IP6K2: variants seen among roughly 807,000 people sequenced by gnomAD.
IP6K2 encodes the protein ATP:1D-myo-inositol-hexakisphosphate phosphotransferase.
Under a neutral mutation model 43.3 loss-of-function variants are expected in IP6K2, and 9 were observed. The observed-to-expected ratio is 0.21, with a 90% CI of 0.13 to 0.36. IP6K2 has a LOEUF of 0.36. IP6K2 is among the 10% of genes least tolerant of loss of function. The pLI is 1.00. For missense variants in IP6K2, 332 were observed against 538.4 expected, an observed-to-expected ratio of 0.62 and a Z score of 3.79; for synonymous variants, 209 against 202.4, an observed-to-expected ratio of 1.03 and a Z score of -0.28.
chr3:48,716,391 G>A (rs1270824930), intron 1 of IP6K2: 7 of 152,170 alleles, frequency 4.6e-5, no homozygotes, highest in Non-Finnish European at 8.8e-5. Context: ...GTATTTAAGA[G>A]CACTGGATTT....
In IP6K2 at chr3:48,688,354, C is replaced by T; in HGVS notation, c.1200G>A (p.Glu400=). 6.2e-7 allele frequency: 1 copy of T among 1,614,248 alleles called. No individual in the cohort carries two copies. Among genetic ancestry groups the T allele is most frequent in the East Asian group, 2.2e-5 (1 of 44,886 alleles). ...RLYGEDTVVH[E]GQDAGYIFGL... ...CGAAGATATAGCCAGCATCCTGGCC[C>T]TCATGCACCACGGTGTCCTCGCCAT... The change falls in exon 6 of 6, where the codon GAG becomes GAA. Residue 400 remains glutamate, a synonymous_variant. Transcript: ENST00000328631. This position sits in a 1 kb window ranked among gnomAD's most constrained non-coding sequence, Gnocchi z 5.1.
At chr3:48,692,894 C>T in intron 3 of IP6K2, 60 bp downstream of exon 3, 2 of 1,324,258 alleles carry the variant, frequency 1.5e-6, no homozygotes, top group East Asian at 4.6e-5. Context: ...TGGGCTGTAA[C>T]CAAAACCCCC....
chr3:48,691,184 C>A, intron 4 of IP6K2, 123 bp downstream of exon 4: 1 of 780,444 alleles, frequency 1.3e-6, no homozygotes, highest in Non-Finnish European at 2.1e-6. Flanking sequence ...CCTGGAATAA[C>A]CCAGGTAGGA....
chr3:48,694,447 A>G, intron 2 of IP6K2: 1 of 1,549,136 alleles, frequency 6.5e-7, no homozygotes, highest in South Asian at 1.2e-5. Context: ...AATTTCTTTA[A>G]TGGATTCTTA....
rs1186460804 is a variant in IP6K2 at position 48,688,078 on chromosome 3, G to A, written c.*195C>T. The A allele has an allele frequency of 1.6e-6, 1 of 615,054 alleles. No homozygotes were observed. The highest frequency in any genetic ancestry group is 1.8e-5 in the African/African-American group (1 of 54,192). 38.1% of individuals were successfully genotyped at this position (615,054 alleles called of 1,614,324 possible). On this transcript the variant is annotated 3_prime_UTR_variant, in exon 6 of 6. Coordinates refer to ENST00000328631, the MANE Select transcript of IP6K2 (RefSeq NM_016291.4). This position sits in a 1 kb window ranked among gnomAD's most constrained non-coding sequence, Gnocchi z 5.1. ...GAGGTATCATCATCAAATGTGGAAT[G>A]TTGAAGAAATAGTTAAAATAAATAA...
Position 48,688,663 on chromosome 3 carries a change from C to A in IP6K2, c.891G>T (p.Arg297=), listed in dbSNP as rs138795713. Residue 297 remains arginine (R), a synonymous_variant, in exon 6 of 6, where the codon CGG becomes CGT. Transcript: ENST00000328631. This position sits in a 1 kb window ranked among gnomAD's most constrained non-coding sequence, Gnocchi z 5.1. The part of the protein sequence containing the change: ...EALFQFFHNG[R]YLRRELLGPV... ...GGCCCAGGAGTTCACGGCGCAGGTACCGCCCATTGTGGAAGAACTGGAAAA... is the reference window on the plus strand; with the variant it reads ...GGCCCAGGAGTTCACGGCGCAGGTAACGCCCATTGTGGAAGAACTGGAAAA... 128 of 1,614,124 alleles carry A rather than the reference C, an allele frequency of 7.9e-5. No homozygotes were observed. The highest frequency in any genetic ancestry group is 1.0e-4 in the Non-Finnish European group (120 of 1,180,052).
At chr3:48,716,466 A>G (rs947162846) in intron 1 of IP6K2, 4 of 152,230 alleles carry the variant, frequency 2.6e-5, no homozygotes, top group Non-Finnish European at 4.4e-5. Context: ...ATATATGAGA[A>G]CGAATACAAT....
At chr3:48,714,847 C>CAAAAAAAAAA (rs61218247) in intron 1 of IP6K2, among the ~76,000 whole-genome samples, 1 of 100,060 alleles carries the variant, frequency 1.0e-5, no homozygotes, top group African/African-American at 4.0e-5. Flanking sequence ...GACTCCGTCT[C>CAAAAAAAAAA]AAAAAAAAAA....
At chr3:48,714,318 C>T (rs760224998) in intron 1 of IP6K2, among the ~76,000 whole-genome samples, 1 of 151,860 alleles carries the variant, frequency 6.6e-6, no homozygotes, top group African/African-American at 2.4e-5. Context: ...CTGCCCACCT[C>T]GGCCTCCCGA....
intron 1 of IP6K2, among the ~76,000 whole-genome samples, chr3:48,712,489 G>A (rs909248951): frequency 2.6e-5 from 4 of 151,608 alleles, no homozygotes; most frequent in African/African-American, 4.8e-5. Context: ...CTCATGATCC[G>A]CCTGCCTTCA....
chr3:48,694,526 C>A, intron 2 of IP6K2: 1 of 1,525,926 alleles, frequency 6.6e-7, no homozygotes, highest in South Asian at 1.3e-5. Context: ...CTGATGTCCC[C>A]TATAAAATAC....
chr3:48,694,131 G>A (rs1192223649), intron 2 of IP6K2: 1 of 1,525,892 alleles, frequency 6.6e-7, no homozygotes, highest in Admixed American at 2.2e-5. Flanking sequence ...TGGGTGCAGA[G>A]GAGCCGGGGT....
Position 48,688,194 on chromosome 3 carries a change from A to G in IP6K2, c.*79T>C, listed in dbSNP as rs1454123020. 2.6e-6 allele frequency: 4 copies of G among 1,529,678 alleles called. No individual in the cohort carries two copies. Among genetic ancestry groups the G allele is most frequent in the South Asian group, 1.2e-5 (1 of 80,958 alleles). The allele number at this position is 1,529,678 out of a possible 1,614,324, so 94.8% of individuals were successfully genotyped here. ...AGGCTGCAGGAGCCACCACCTGGCC[A>G]TACTGGCTTCCTCCCTGACGCAGCA... On this transcript the variant is annotated 3_prime_UTR_variant, in exon 6 of 6. Coordinates refer to ENST00000328631, the MANE Select transcript of IP6K2 (RefSeq NM_016291.4). The surrounding 1 kb of genome is among the most constrained non-coding windows in gnomAD (Gnocchi z 5.1).
intron 1 of IP6K2, among the ~76,000 whole-genome samples, chr3:48,712,140 T>C (rs912419591): frequency 6.6e-6 from 1 of 151,780 alleles, no homozygotes; most frequent in Non-Finnish European, 1.5e-5. Flanking sequence ...ACACCTGTAA[T>C]CCTGGCGCTT....
rs1034667846 is a variant in IP6K2 at position 48,715,403 on chromosome 3, T to A, written c.-131+1754A>T. ...CAGGAGCTTACAGAAGGCTCTGGCATCCCTCTTGGAAGGGAGACTGGCAAA... is the reference window on the plus strand; with the variant it reads ...CAGGAGCTTACAGAAGGCTCTGGCAACCCTCTTGGAAGGGAGACTGGCAAA... On this transcript the variant is annotated intron_variant, in intron 1 of 5. Transcript: ENST00000328631. 3.3e-6 allele frequency: 5 copies of A among 1,536,140 alleles called. No individual in the cohort carries two copies. The African/African-American group carries it at 5.5e-5, about 17-fold the overall frequency.
chr3:48,713,129 T>A (rs1362175570), intron 1 of IP6K2, among the ~76,000 whole-genome samples: 1 of 152,228 alleles, frequency 6.6e-6, no homozygotes, highest in Non-Finnish European at 1.5e-5. Flanking sequence ...AGTTTCATAC[T>A]TGCAAAGCAA....
chr3:48,715,290 G>A (rs911258211), intron 1 of IP6K2: 89 of 1,535,876 alleles, frequency 5.8e-5, no homozygotes, highest in Non-Finnish European at 7.5e-5. Flanking sequence ...TCCTCTTTAT[G>A]AGCCAAACAA....
intron 5 of IP6K2, among the ~76,000 whole-genome samples, chr3:48,689,040 CCTA>C (rs1345550862): frequency 1.3e-5 from 2 of 152,250 alleles, no homozygotes; most frequent in African/African-American, 2.4e-5. Context: ...TGCCTTCCTC[CCTA>C]CTACTATCCA....
rs766623551 is a variant in IP6K2 at position 48,689,641 on chromosome 3, C to T, written c.677G>A (p.Arg226Gln). 4 of 1,614,060 alleles carry T rather than the reference C, an allele frequency of 2.5e-6. No individual in the cohort carries two copies. Among genetic ancestry groups the T allele is most frequent in the East Asian group, 4.5e-5 (2 of 44,900 alleles). ...PCVLDLKMGT[R>Q]QHGDDASEEK... ...CTCTGAAGCATCATCACCATGTTGT[C>T]GTGTGCCCATCTTGAGGTCAAGGAC... Residue 226 changes from arginine to glutamine, a missense_variant, in exon 5 of 6, where the codon CGA becomes CAA. Arg to Gln is a conservative substitution (Grantham distance 43). Transcript: ENST00000328631.
Sources: allele counts gnomAD v4.1 joint callset (sites outside exome capture counted in the v4.1 genomes callset), GRCh38; gene constraint gnomAD v4.1.1; non-coding constraint Gnocchi (gnomAD v3.1); transcripts MANE v1.5; gene names NCBI Gene and HGNC (gene_info 2026-07-23, HGNC 2026-07-21).